The following SLC6A16 variants were observed in gnomAD, a reference collection of about 807,000 sequenced individuals.
SLC6A16 encodes the protein solute carrier family 6 member 16.
A neutral mutation model predicts 65.4 loss-of-function variants in SLC6A16; 54 were observed. The ratio of observed to expected loss-of-function variants is 0.83; its 90% confidence interval spans 0.66 to 1.04. The LOEUF (loss-of-function observed/expected upper bound fraction) is 1.04, where lower values mean the gene tolerates loss of function less well. SLC6A16 is among the 50% of genes least tolerant of loss of function. SLC6A16 has a pLI of 0.00. For missense variants in SLC6A16, 816 were observed against 914.0 expected, an observed-to-expected ratio of 0.89 and a Z score of 1.38; for synonymous variants, 330 against 346.5, an observed-to-expected ratio of 0.95 and a Z score of 0.53.
the SLC6A16 span, chr19:49,340,017 TTCCGAC>T: frequency 1.4e-6 from 2 of 1,472,588 alleles, no homozygotes; most frequent in Non-Finnish European, 1.8e-6. Flanking sequence ...CTGGGCTTGC[TTCCGAC>T]CTTACTCCTT....
the SLC6A16 span, among the ~76,000 whole-genome samples, chr19:49,333,079 T>C: frequency 2.0e-5 from 3 of 152,022 alleles, no homozygotes; most frequent in African/African-American, 7.2e-5. Flanking sequence ...GGAGAATTGC[T>C]TGAACGCAGG....
chr19:49,332,600 G>C, the SLC6A16 span, among the ~76,000 whole-genome samples: 7 of 151,978 alleles, frequency 4.6e-5, no homozygotes, highest in Non-Finnish European at 8.8e-5. Context: ...CAGATTTAGG[G>C]GTCACACAGA....
intron 7 of SLC6A16, among the ~76,000 whole-genome samples, chr19:49,296,642 G>A (rs1361481806): frequency 2.0e-5 from 3 of 152,252 alleles, no homozygotes; most frequent in Non-Finnish European, 4.4e-5. Flanking sequence ...AAATTTATGT[G>A]AAATAGATAT....
At chr19:49,309,143 G>C (rs756557962) in intron 6 of SLC6A16, 26 bp from the exon 7 acceptor site, 13 of 1,611,182 alleles carry the variant, frequency 8.1e-6, no homozygotes, top group Admixed American at 6.7e-5. Flanking sequence ...CAAGCATAAG[G>C]GGGTTGTAAA....
chr19:49,325,361 CCCTT>C (rs1369273675), upstream of SLC6A16: 10 of 490,276 alleles, frequency 2.0e-5, no homozygotes, highest in Non-Finnish European at 2.4e-5. Flanking sequence ...ACGCGCCACT[CCCTT>C]CCCCACCGCA....
chr19:49,337,373 T>A, the SLC6A16 span: 1 of 764,520 alleles, frequency 1.3e-6, no homozygotes, highest in Non-Finnish European at 2.1e-6. Context: ...CTCACGCCTG[T>A]AATCCCATAA....
intron 7 of SLC6A16, among the ~76,000 whole-genome samples, chr19:49,307,999 A>G (rs987845129): frequency 1.3e-5 from 2 of 150,900 alleles, no homozygotes; most frequent in Non-Finnish European, 2.9e-5. Flanking sequence ...TAGAAAGAAC[A>G]CTTCCTAAAT....
the SLC6A16 span, chr19:49,335,983 TGA>T: frequency 1.7e-6 from 1 of 605,176 alleles, no homozygotes. This position sits in a 1 kb window ranked among gnomAD's most constrained non-coding sequence, Gnocchi z 4.6. Flanking sequence ...ACAATGATCA[TGA>T]GAGCCATTTC....
At chr19:49,327,197 TC>T (rs915149053), upstream of SLC6A16, among the ~76,000 whole-genome samples, 2 of 151,922 alleles carry the variant, frequency 1.3e-5, no homozygotes, top group African/African-American at 4.8e-5. Context: ...GCCTCAGCCT[TC>T]CGAGTAGCTG....
the SLC6A16 span, chr19:49,339,668 T>G: frequency 1.4e-6 from 2 of 1,428,146 alleles, no homozygotes; most frequent in Non-Finnish European, 1.8e-6. The surrounding 1 kb of genome is among the most constrained non-coding windows in gnomAD (Gnocchi z 4.5). Context: ...ATGACTGTCA[T>G]GGTGCTGAGC....
chr19:49,329,235 G>A (rs1970825606), upstream of SLC6A16, among the ~76,000 whole-genome samples: 1 of 151,968 alleles, frequency 6.6e-6, no homozygotes, highest in Admixed American at 6.6e-5. Flanking sequence ...TGGGACTACA[G>A]GTGGGACCAC....
Position 49,290,707 on chromosome 19 carries a change from C to G in SLC6A16, c.1839G>C (p.Leu613=). The G allele has an allele frequency of 1.2e-6, 2 of 1,613,796 alleles. No homozygotes were observed. Among genetic ancestry groups the G allele is most frequent in the Non-Finnish European group, 1.7e-6 (2 of 1,179,858 alleles). The change falls in exon 11 of 12, where the codon CTG becomes CTC. Residue 613 remains leucine (L), a synonymous_variant. Transcript: ENST00000335875. ...GHPISPIFGW[L]WPHLCPVVLL... is the part of the protein sequence containing the mutation. ...GCACAACTGGACACAGATGGGGCCA[C>G]AGCCAACCAAAGATGGGAGAGATGG...
rs990946302 is a variant in SLC6A16, at chr19:49,293,260, C to T, written c.1741G>A (p.Glu581Lys). 3.7e-6 allele frequency: 6 copies of T among 1,613,996 alleles called. No homozygotes were observed. Among genetic ancestry groups the T allele is most frequent in the Non-Finnish European group, 5.1e-6 (6 of 1,180,036 alleles). The change falls in exon 10 of 12, where the codon GAA (glutamate) becomes AAA (lysine). Residue 581 changes from glutamate to lysine, a missense_variant. Coordinates refer to ENST00000335875, the MANE Select transcript of SLC6A16 (RefSeq NM_014037.3). ...TAGGCCCAGGATACAGCCATGGTTT[C>T]AAATACGACAACGACGATGATGGGG... ...VFPIIVVVVF[E>K]TMAVSWAYGA...
chr19:49,315,024 C>G (rs576052186), intron 1 of SLC6A16, among the ~76,000 whole-genome samples: 1 of 146,004 alleles, frequency 6.8e-6, no homozygotes, highest in South Asian at 2.2e-4. Flanking sequence ...TACCCACAAT[C>G]TCCCCCTACC....
the SLC6A16 span, chr19:49,338,965 T>G: frequency 6.6e-7 from 1 of 1,516,694 alleles, no homozygotes; most frequent in Non-Finnish European, 9.1e-7. This position sits in a 1 kb window ranked among gnomAD's most constrained non-coding sequence, Gnocchi z 5.0. Flanking sequence ...CATAAACCTG[T>G]CGAATGGGGC....
chr19:49,332,030 A>G, the SLC6A16 span: 2 of 452,390 alleles, frequency 4.4e-6, no homozygotes, highest in Admixed American at 4.7e-5. Context: ...CTTACTACTT[A>G]GAACAACAGA....
the SLC6A16 span, chr19:49,337,758 T>C: frequency 6.5e-7 from 1 of 1,536,644 alleles, no homozygotes; most frequent in Non-Finnish European, 8.7e-7. Context: ...GCCGTAGAAA[T>C]AGTGGAAGAA....
the SLC6A16 span, among the ~76,000 whole-genome samples, chr19:49,330,492 T>C: frequency 1.1e-4 from 16 of 151,716 alleles, no homozygotes; most frequent in African/African-American, 3.9e-4. Flanking sequence ...AAAAGGACGA[T>C]CCAATGAAGA....
chr19:49,331,638 G>A, the SLC6A16 span: 1 of 399,064 alleles, frequency 2.5e-6, no homozygotes, highest in South Asian at 1.8e-5. Context: ...AATGCTTTAT[G>A]TAAGTCCAAG....
Sources: gnomAD v4.1 joint callset for allele counts (sites outside exome capture counted in the v4.1 genomes callset) on GRCh38, gnomAD v4.1.1 for gene constraint, Gnocchi (gnomAD v3.1) non-coding constraint, MANE v1.5 for transcripts, NCBI Gene and HGNC (gene_info 2026-07-23, HGNC 2026-07-21) for gene names.